SMARCA2: variants seen among roughly 807,000 people sequenced by gnomAD.
SMARCA2 encodes the protein SWI/SNF related BAF chromatin remodeling complex subunit ATPase 2.
Under a neutral mutation model 199.8 loss-of-function variants are expected in SMARCA2, and 61 were observed. The ratio of observed to expected loss-of-function variants is 0.31; its 90% CI spans 0.25 to 0.38. The LOEUF (loss-of-function observed/expected upper bound fraction) is 0.38, where lower values mean the gene tolerates loss of function less well. Among genes scored for constraint, SMARCA2 ranks in the 10% least tolerant of loss-of-function variants. The pLI is 1.00. For missense variants in SMARCA2, 1,344 were observed against 2,012.2 expected (o/e 0.67, Z 6.35); for synonymous variants, 935 against 732.0 (o/e 1.28, Z -4.48).
At chr9:2,120,634 T>C (rs1183034165) in intron 26 of SMARCA2, among the ~76,000 whole-genome samples, 1 of 152,218 alleles carries the variant, frequency 6.6e-6, no homozygotes, top group Non-Finnish European at 1.5e-5. Context: ...TATGTTATTT[T>C]GGGGTTTTGT....
At chr9:2,114,468 G>C (rs1430304954) in intron 24 of SMARCA2, among the ~76,000 whole-genome samples, 1 of 152,200 alleles carries the variant, frequency 6.6e-6, no homozygotes, top group East Asian at 1.9e-4. Context: ...GTTTACAGCT[G>C]TTGAGCATCA....
chr9:2,066,724 C>T (rs990168728), intron 9 of SMARCA2, among the ~76,000 whole-genome samples: 1 of 152,174 alleles, frequency 6.6e-6, no homozygotes, highest in African/African-American at 2.4e-5. Flanking sequence ...GGCATCAGCC[C>T]TTAATATTGA....
At position 2,120,382 on chromosome 9, in the gene SMARCA2, A is replaced by T. The variant is rs190149765; in HGVS notation, c.3762+847A>T. 3.3e-4 allele frequency among the ~76,000 whole-genome samples: 51 copies of T among 152,332 alleles called. No homozygotes were observed. The East Asian group carries it at 9.4e-3, about 28-fold the overall frequency. On this transcript the variant is annotated intron_variant, in intron 26 of 33. Transcript: ENST00000349721. ...TTTGTCTATGGGGGGACAGAGCTGCAAGGTAGAAATGTGAGACCTATGTCG... is the reference window on the plus strand; with the variant it reads ...TTTGTCTATGGGGGGACAGAGCTGCTAGGTAGAAATGTGAGACCTATGTCG...
intron 13 of SMARCA2, 39 bp downstream of exon 13, chr9:2,076,368 A>G (rs1351611803): frequency 8.4e-7 from 1 of 1,195,576 alleles, no homozygotes; most frequent in South Asian, 1.2e-5. Context: ...GCATTGCATG[A>G]GGATGATGCT....
chr9:2,097,120 A>G (rs1822305576), intron 20 of SMARCA2: 1 of 492,456 alleles, frequency 2.0e-6, no homozygotes, highest in African/African-American at 1.9e-5. Flanking sequence ...TACGGAATAG[A>G]CAGTCATGTC....
Position 2,054,659 on chromosome 9 carries a change from C to A in SMARCA2, c.1109C>A (p.Pro370Gln). 6.2e-7 allele frequency: 1 copy of A among 1,614,080 alleles called. No homozygotes were observed. The highest frequency in any genetic ancestry group is 8.5e-7 in the Non-Finnish European group (1 of 1,179,952). The part of the protein sequence containing the change: ...ELENLPGSLP[P>Q]DLRTKATVEL... ...GAAAATCTGCCTGGCTCTTTGCCAC[C>A]AGATTTAAGAACCAAAGCAACCGTG... Residue 370 changes from proline to glutamine, a missense_variant, in exon 6 of 34, where the codon CCA becomes CAA. By Grantham distance (76) the Pro-to-Gln change is moderately conservative. This residue lies in a region of SMARCA2 where 155 missense variants were observed against 260.0 expected (regional missense o/e 0.60). Transcript: ENST00000349721.
chr9:2,058,583 T>C (rs1216726194), intron 8 of SMARCA2, 119 bp downstream of exon 8: 3 of 847,182 alleles, frequency 3.5e-6, no homozygotes, highest in East Asian at 5.3e-5. Flanking sequence ...AAAATTTTAG[T>C]AAATTTCTTT....
chr9:2,185,554 T>A (rs1827379725), intron 31 of SMARCA2, among the ~76,000 whole-genome samples: 1 of 152,206 alleles, frequency 6.6e-6, no homozygotes, highest in Admixed American at 6.5e-5. Flanking sequence ...CATATAGTAG[T>A]TCTATTTTCA....
intron 27 of SMARCA2, among the ~76,000 whole-genome samples, chr9:2,134,541 A>G (rs1824111063): frequency 6.6e-6 from 1 of 152,198 alleles, no homozygotes; most frequent in South Asian, 2.1e-4. Flanking sequence ...TTGTCTCTGT[A>G]ACCCTGCATG....
Position 2,192,512 on chromosome 9 carries a change from G to A in SMARCA2, c.4738-192G>A, listed in dbSNP as rs566332798. The A allele has an allele frequency of 1.4e-4, 87 of 621,768 alleles. No individual in the cohort carries two copies. In the East Asian group the frequency reaches 2.4e-3, roughly 17 times the overall value. The allele number at this position is 621,768 out of a possible 1,614,324, so 38.5% of individuals were successfully genotyped here. ...GTGGGCTTTGCTTTGGGGTTTTTCA[G>A]TAAGAAAAACTTCTCAGCTTAGAGA... On this transcript the variant is annotated intron_variant, in intron 33 of 33. Coordinates refer to ENST00000349721, the MANE Select transcript of SMARCA2 (RefSeq NM_003070.5).
At chr9:2,114,223 A>C (rs776019374) in intron 24 of SMARCA2, among the ~76,000 whole-genome samples, 1 of 152,186 alleles carries the variant, frequency 6.6e-6, no homozygotes, top group Non-Finnish European at 1.5e-5. Flanking sequence ...TCCACCTTAC[A>C]TTCTCCTCTT....
chr9:2,092,275 T>C (rs1443216174), intron 19 of SMARCA2, among the ~76,000 whole-genome samples: 1 of 152,238 alleles, frequency 6.6e-6, no homozygotes, highest in Non-Finnish European at 1.5e-5. Context: ...GAGGTTGACC[T>C]ACCTAAAGTC....
chr9:2,071,874 T>C (rs993811548), intron 10 of SMARCA2, among the ~76,000 whole-genome samples: 8 of 152,230 alleles, frequency 5.3e-5, no homozygotes, highest in African/African-American at 1.7e-4. Context: ...TTTACATTAA[T>C]GAGGAAGAAG....
At chr9:2,148,026 G>A (rs1195148140) in intron 27 of SMARCA2, among the ~76,000 whole-genome samples, 1 of 151,524 alleles carries the variant, frequency 6.6e-6, no homozygotes, top group Non-Finnish European at 1.5e-5. Flanking sequence ...TATTAACAAA[G>A]CATGCTGAGT....
chr9:2,059,765 T>C (rs905932453), intron 8 of SMARCA2, among the ~76,000 whole-genome samples: 1 of 152,196 alleles, frequency 6.6e-6, no homozygotes, highest in African/African-American at 2.4e-5. Flanking sequence ...ATGAAGCTGC[T>C]GTCACTCAGG....
chr9:2,088,493 C>T lies in SMARCA2; in HGVS notation c.2770-7C>T, dbSNP rs114448411. On this transcript the variant is annotated splice_polypyrimidine_tract_variant and splice_region_variant and intron_variant, in intron 18 of 33. Transcript: ENST00000349721. ...AAAATCAAATTCATAATAAGCCTCT[C>T]TTACAGGTGGACTTAAATGAAGAAG... 6.4e-7 allele frequency: 1 copy of T among 1,571,456 alleles called. No individual in the cohort carries two copies. The highest frequency in any genetic ancestry group is 8.6e-7 in the Non-Finnish European group (1 of 1,168,864).
At position 2,029,072 on chromosome 9, in the gene SMARCA2, C is replaced by G; in HGVS notation, c.50C>G (p.Pro17Arg). 1 of 1,567,482 alleles carries G rather than the reference C, an allele frequency of 6.4e-7. No individual in the cohort carries two copies. The highest frequency in any genetic ancestry group is 8.7e-7 in the Non-Finnish European group (1 of 1,154,842). Residue 17 changes from proline to arginine, a missense_variant, in exon 2 of 34, where the codon CCG (proline) becomes CGG (arginine). By Grantham distance (103) the Pro-to-Arg change is moderately radical (BLOSUM62 -2). This residue lies in a region of SMARCA2 where 275 missense variants were observed against 247.5 expected (regional missense o/e 1.11). Transcript: ENST00000349721. Reference protein sequence around the residue: ...PGAMPHPGPSPGPGPSPGPIL... With the variant: ...PGAMPHPGPSRGPGPSPGPIL... Reference sequence around the variant, plus strand: ...GCGATGCCCCACCCAGGGCCTTCGCCGGGGCCTGGGCCTTCCCCTGGGCCA... The same window carrying G: ...GCGATGCCCCACCCAGGGCCTTCGCGGGGGCCTGGGCCTTCCCCTGGGCCA...
intron 4 of SMARCA2, chr9:2,040,138 G>T: frequency 1.2e-6 from 1 of 823,212 alleles, no homozygotes; most frequent in Non-Finnish European, 1.8e-6. Context: ...GAGACCCAGG[G>T]AAAAAGCACC....
rs777011147 is a variant in SMARCA2, at chr9:2,060,808, C to T, written c.1522-8C>T. On this transcript the variant is annotated splice_polypyrimidine_tract_variant and splice_region_variant and intron_variant, in intron 8 of 33. Coordinates refer to ENST00000349721, the MANE Select transcript of SMARCA2 (RefSeq NM_003070.5). Reference sequence around the variant, plus strand: ...TATGCTCTCATCCTGCTCTTCTTTCCTTAATAGGCTGAAGATGAGGAGGGT... The same window carrying T: ...TATGCTCTCATCCTGCTCTTCTTTCTTTAATAGGCTGAAGATGAGGAGGGT... 9 of 1,612,850 alleles carry T rather than the reference C, an allele frequency of 5.6e-6. No homozygotes were observed. In the South Asian group the frequency reaches 8.8e-5, roughly 16 times the overall value.
Sources: allele counts gnomAD v4.1 joint callset (sites outside exome capture counted in the v4.1 genomes callset), GRCh38; gene constraint gnomAD v4.1.1; regional missense constraint gnomAD v4.1.1; transcripts MANE v1.5; gene names NCBI Gene and HGNC (gene_info 2026-07-23, HGNC 2026-07-21).